Variants in ZNF143 observed in about 807,000 individuals in gnomAD.
ZNF143 encodes the protein zinc finger protein 143.
ZNF143 carries 49 observed loss-of-function variants against 74.1 expected under a neutral mutation model. That is an observed-to-expected ratio of 0.66 (90% CI 0.53 to 0.84). The LOEUF (loss-of-function observed/expected upper bound fraction) is 0.84, where lower values mean the gene tolerates loss of function less well. ZNF143 is among the 40% of genes least tolerant of loss of function. The pLI is 0.00. For missense variants in ZNF143, 637 were observed against 793.4 expected (o/e 0.80, Z 2.37); for synonymous variants, 304 against 282.8 (o/e 1.07, Z -0.75).
intron 7 of ZNF143, among the ~76,000 whole-genome samples, chr11:9,486,374 ATATT>A (rs1565038713): frequency 6.7e-4 from 26 of 38,906 alleles, no homozygotes; most frequent in South Asian, 1.5e-3. Flanking sequence ...TATATATAAT[ATATT>A]ATATATATAA....
chr11:9,511,270 C>T (rs1415880708), intron 12 of ZNF143, among the ~76,000 whole-genome samples: 2 of 151,126 alleles, frequency 1.3e-5, no homozygotes, highest in African/African-American at 4.9e-5. Flanking sequence ...CTCCACCAGG[C>T]CCGCCTAATT....
At chr11:9,497,458 T>A (rs1848000854) in intron 9 of ZNF143, among the ~76,000 whole-genome samples, 1 of 152,184 alleles carries the variant, frequency 6.6e-6, no homozygotes, top group South Asian at 2.1e-4. Context: ...CTCGAACTCC[T>A]GACTTCAGGT....
intron 7 of ZNF143, among the ~76,000 whole-genome samples, chr11:9,490,726 G>A (rs1249421658): frequency 6.6e-6 from 1 of 152,064 alleles, no homozygotes; most frequent in East Asian, 1.9e-4. Flanking sequence ...GTTTTCATGA[G>A]CAATAAACAG....
chr11:9,518,108 A>T (rs1385669255), intron 14 of ZNF143, among the ~76,000 whole-genome samples: 1 of 152,248 alleles, frequency 6.6e-6, no homozygotes, highest in Non-Finnish European at 1.5e-5. Flanking sequence ...AAATGTACAA[A>T]TCATTCCGTT....
intron 7 of ZNF143, among the ~76,000 whole-genome samples, chr11:9,484,284 C>A (rs1010569285): frequency 6.6e-6 from 1 of 151,368 alleles, no homozygotes; most frequent in African/African-American, 2.5e-5. Flanking sequence ...GCCACTGCCT[C>A]CTGGGTTTAA....
At chr11:9,461,548 G>T (rs1404183426) in intron 1 of ZNF143, 1 of 152,140 alleles carries the variant, frequency 6.6e-6, no homozygotes, top group Non-Finnish European at 1.5e-5. Flanking sequence ...GACAGGGCTG[G>T]CCCAGGCCCT....
intron 7 of ZNF143, among the ~76,000 whole-genome samples, chr11:9,481,280 T>C (rs1396581206): frequency 6.6e-6 from 1 of 152,082 alleles, no homozygotes; most frequent in South Asian, 2.1e-4. Flanking sequence ...CACAGCTGTT[T>C]GGGAGGCGAG....
intron 11 of ZNF143, among the ~76,000 whole-genome samples, chr11:9,503,735 C>T (rs71476833): frequency 2.0e-5 from 3 of 151,512 alleles, no homozygotes; most frequent in East Asian, 1.9e-4. Flanking sequence ...CTCCGCCTGC[C>T]GGGTTCAAGC....
At chr11:9,517,035 C>T (rs1440857258) in intron 14 of ZNF143, among the ~76,000 whole-genome samples, 1 of 152,226 alleles carries the variant, frequency 6.6e-6, no homozygotes, top group African/African-American at 2.4e-5. Context: ...CCACCTCAGC[C>T]TCCCGAGTAG....
rs1166879953 is a variant in ZNF143 at position 9,472,777 on chromosome 11, C to T, written c.205+8C>T. The T allele has an allele frequency of 1.3e-6, 2 of 1,553,858 alleles. No individual in the cohort carries two copies. Among genetic ancestry groups the T allele is most frequent in the Admixed American group, 2.1e-5 (1 of 48,608 alleles). On this transcript the variant is annotated splice_region_variant and intron_variant, in intron 3 of 15. Transcript: ENST00000396602. ...TACAACACAATTCTAAAGGTATGTG[C>T]CTCACATATGGCTGATTGGTTAATA...
At chr11:9,486,364 T>TATATATATA in intron 7 of ZNF143, among the ~76,000 whole-genome samples, 1 of 43,848 alleles carries the variant, frequency 2.3e-5, no homozygotes, top group Non-Finnish European at 4.5e-5. Context: ...ATATATATAT[T>TATATATATA]ATATATAATA....
intron 10 of ZNF143, among the ~76,000 whole-genome samples, chr11:9,499,072 T>C (rs1002803950): frequency 6.6e-6 from 1 of 152,218 alleles, no homozygotes; most frequent in Non-Finnish European, 1.5e-5. Flanking sequence ...AATAATCTAG[T>C]TTTATAAATA....
rs1431579358 is a variant in ZNF143, at chr11:9,528,103, C to G, written c.*490C>G. 6.5e-6 allele frequency: 1 copy of G among 152,694 alleles called. No homozygotes were observed. Among genetic ancestry groups the G allele is most frequent in the Non-Finnish European group, 1.5e-5 (1 of 68,106 alleles). 9.5% of individuals were successfully genotyped at this position (152,694 alleles called of 1,614,324 possible). On this transcript the variant is annotated 3_prime_UTR_variant, in exon 16 of 16. Transcript: ENST00000396602. Reference sequence around the variant, plus strand: ...TCTGCGGTTTTTGTTCTACTATATGCTTGTCCATTTTTATTTGTATCTCAT... The same window carrying G: ...TCTGCGGTTTTTGTTCTACTATATGGTTGTCCATTTTTATTTGTATCTCAT...
intron 1 of ZNF143, chr11:9,471,059 C>T (rs1032076921): frequency 4.5e-6 from 1 of 219,994 alleles, no homozygotes; most frequent in Non-Finnish European, 8.9e-6. Flanking sequence ...CACAATTCGT[C>T]AGTGTACTTC....
chr11:9,516,230 C>T lies in ZNF143; in HGVS notation c.1554C>T (p.Ala518=), dbSNP rs751979933. ...HVNISQADMQ[A]IGNTITMVTQ... ...ACATATCTCAAGCTGACATGCAGGC[C>T]ATTGGCAACACCATCACAATGGTAA... The change falls in exon 14 of 16, where the codon GCC becomes GCT. Residue 518 remains alanine, a synonymous_variant. Coordinates refer to ENST00000396602, the MANE Select transcript of ZNF143 (RefSeq NM_003442.6). 6.2e-7 allele frequency: 1 copy of T among 1,614,018 alleles called. No individual in the cohort carries two copies. Among genetic ancestry groups the T allele is most frequent in the Non-Finnish European group, 8.5e-7 (1 of 1,179,924 alleles).
intron 4 of ZNF143, among the ~76,000 whole-genome samples, 180 bp from the exon 5 acceptor site, chr11:9,474,370 C>G (rs1465296827): frequency 6.6e-6 from 1 of 152,146 alleles, no homozygotes; most frequent in Non-Finnish European, 1.5e-5. Context: ...ATTCTAATGT[C>G]TTTTTACCTT....
In ZNF143 at chr11:9,528,139, CTGTT is replaced by C. The variant is rs1489527078; in HGVS notation, c.*529_*532del. The C allele has an allele frequency of 1.3e-5, 2 of 152,556 alleles. No homozygotes were observed. Among genetic ancestry groups the C allele is most frequent in the Non-Finnish European group, 2.9e-5 (2 of 68,044 alleles). The allele number at this position is 152,556 out of a possible 1,614,324, so 9.5% of individuals were successfully genotyped here. On this transcript the variant is annotated 3_prime_UTR_variant, in exon 16 of 16. Coordinates refer to ENST00000396602, the MANE Select transcript of ZNF143 (RefSeq NM_003442.6). ...TTATTTGTATCTCATGGTTTGCAGA[CTGTT>C]TGAATAATTTATAGTTTCCCATCCC...
chr11:9,474,862 A>G (rs531721699), intron 5 of ZNF143, among the ~76,000 whole-genome samples: 14 of 152,340 alleles, frequency 9.2e-5, no homozygotes, highest in African/African-American at 3.1e-4. Context: ...TGGAAGACTT[A>G]AAGTAGAGGC....
Position 9,482,505 on chromosome 11 carries a change from C to T in ZNF143, c.645+2959C>T, listed in dbSNP as rs138218795. The stretch of plus-strand genomic sequence containing the variant: ...CAGGATGGTCTCGATCTCCTGACCT[C>T]ATGATCCGCCCACCTCGGCCTCCCA... On this transcript the variant is annotated intron_variant, in intron 7 of 15. Coordinates refer to ENST00000396602, the MANE Select transcript of ZNF143 (RefSeq NM_003442.6). 4.0e-3 allele frequency among the ~76,000 whole-genome samples: 600 copies of T among 151,594 alleles called. 20 individuals are homozygous for T. Among genetic ancestry groups the T allele is most frequent in the African/African-American group, 0.014 (558 of 40,926 alleles).
Sources: gnomAD v4.1 joint callset for allele counts (sites outside exome capture counted in the v4.1 genomes callset) on GRCh38, gnomAD v4.1.1 for gene constraint, MANE v1.5 for transcripts, NCBI Gene and HGNC (gene_info 2026-07-23, HGNC 2026-07-21) for gene names.